DSCAM: variants seen among roughly 807,000 people sequenced by gnomAD.
DSCAM encodes the protein cell adhesion molecule DSCAM.
A neutral mutation model predicts 217.7 loss-of-function variants in DSCAM; 47 were observed. That is an observed-to-expected ratio of 0.22 (90% CI 0.17 to 0.28). The LOEUF (loss-of-function observed/expected upper bound fraction) is 0.28. Ranked by LOEUF, DSCAM falls within the 10% of genes least tolerant of loss-of-function variation. The probability of loss-of-function intolerance (pLI) is 1.00; values close to 1 mark genes in which losing one functional copy is unlikely to be tolerated. For synonymous variants in DSCAM, 1,056 were observed against 1,015.3 expected (o/e 1.04, Z -0.76); for missense variants, 2,080 against 2,618.3 (o/e 0.79, Z 4.49).
intron 27 of DSCAM, among the ~76,000 whole-genome samples, chr21:40,068,247 G>A (rs940145111): frequency 1.3e-5 from 2 of 152,146 alleles, no homozygotes; most frequent in African/African-American, 4.8e-5. Flanking sequence ...AGAATAACTG[G>A]TCATCTGTCT....
At chr21:40,118,900 C>G (rs923089434) in intron 20 of DSCAM, among the ~76,000 whole-genome samples, 1 of 152,134 alleles carries the variant, frequency 6.6e-6, no homozygotes, top group African/African-American at 2.4e-5. Context: ...GGGTTTGGAG[C>G]GTACGTCATG....
intron 1 of DSCAM, among the ~76,000 whole-genome samples, chr21:40,794,794 C>T (rs1307788959): frequency 1.3e-5 from 2 of 151,188 alleles, no homozygotes; most frequent in Non-Finnish European, 2.9e-5. Context: ...TCTCTCGGCT[C>T]CAGTTGAATG....
intron 3 of DSCAM, among the ~76,000 whole-genome samples, chr21:40,582,326 C>T (rs461980): frequency 0.13 from 19,454 of 152,060 alleles, 1,449 homozygotes; most frequent in African/African-American, 0.21. Context: ...AATATTTTCA[C>T]GGTGAGTTTC....
intron 3 of DSCAM, among the ~76,000 whole-genome samples, chr21:40,543,657 C>T (rs1171724243): frequency 6.6e-6 from 1 of 152,098 alleles, no homozygotes; most frequent in Non-Finnish European, 1.5e-5. Context: ...GAGGAAGCCT[C>T]CAAACCCTGT....
rs1451618799 is a variant in DSCAM, at chr21:40,617,184, T to C, written c.508+75626A>G. Among the ~76,000 whole-genome samples, 9 of 133,182 alleles carry C rather than the reference T, an allele frequency of 6.8e-5. No individual in the cohort carries two copies. In the Admixed American group the frequency reaches 7.2e-4, roughly 11 times the overall value. 87.4% of individuals were successfully genotyped at this position (133,182 alleles called of 152,430 possible). A position where few individuals can be genotyped will look rare whatever the true frequency, so the allele number is the denominator to read the frequency against. On this transcript the variant is annotated intron_variant, in intron 3 of 32. Coordinates refer to ENST00000400454, the MANE Select transcript of DSCAM (RefSeq NM_001389.5). Reference sequence around the variant, plus strand: ...AGTTGCCCAGGCTGGAGTGCAGTGGTGCAATCTCGGCTCACTGCAAGCTCC... The same window carrying C: ...AGTTGCCCAGGCTGGAGTGCAGTGGCGCAATCTCGGCTCACTGCAAGCTCC...
At chr21:40,189,560 C>T (rs1205882219) in intron 11 of DSCAM, among the ~76,000 whole-genome samples, 1 of 152,174 alleles carries the variant, frequency 6.6e-6, no homozygotes, top group African/African-American at 2.4e-5. Flanking sequence ...CCACCCAAAT[C>T]TCATCTGGAA....
chr21:40,042,554 T>C lies in DSCAM; in HGVS notation c.5503A>G (p.Thr1835Ala), dbSNP rs765163525. The change falls in exon 32 of 33, where the codon ACG becomes GCG. Residue 1835 changes from threonine (T) to alanine (A), a missense_variant. Physicochemically the swap from Thr to Ala is moderately conservative, Grantham distance 58. Around this residue, in one of 5 missense-constraint regions of DSCAM, gnomAD observed 1,144 missense variants for 1,421.1 expected, o/e 0.81. Transcript: ENST00000400454. The stretch of plus-strand genomic sequence containing the variant: ...GACGTGTCTGATATGAAGCACTCCG[T>C]GATGGTGAACTTGGCGTGCCTCAGT... ...EQLRHAKFTITECFISDTSSE... is the reference protein window; with the variant it reads ...EQLRHAKFTIAECFISDTSSE... The C allele has an allele frequency of 6.2e-7, 1 of 1,614,044 alleles. No homozygotes were observed. Among genetic ancestry groups the C allele is most frequent in the African/African-American group, 1.3e-5 (1 of 74,914 alleles).
intron 1 of DSCAM, among the ~76,000 whole-genome samples, chr21:40,736,637 A>G (rs992674826): frequency 6.6e-6 from 1 of 152,140 alleles, no homozygotes; most frequent in Non-Finnish European, 1.5e-5. Context: ...CCTCATTAGA[A>G]CAAAAGAGGC....
chr21:40,504,134 C>T (rs1036015100), intron 3 of DSCAM, among the ~76,000 whole-genome samples: 7 of 151,368 alleles, frequency 4.6e-5, no homozygotes, highest in African/African-American at 1.7e-4. Flanking sequence ...CAGTCTGAGG[C>T]TTAGAACATT....
At chr21:40,242,123 C>T (rs949695410) in intron 11 of DSCAM, among the ~76,000 whole-genome samples, 1 of 151,530 alleles carries the variant, frequency 6.6e-6, no homozygotes, top group Non-Finnish European at 1.5e-5. Flanking sequence ...TGGAAGAAAC[C>T]TGCATGTGTA....
At position 40,087,269 on chromosome 21, in the gene DSCAM, G is replaced by A; in HGVS notation, c.3869C>T (p.Thr1290Ile). The stretch of plus-strand genomic sequence containing the variant: ...TGGAGTAGTCACTGTCCCACTGAAG[G>A]TCAGGATTCGTGCAGGAGCTGAGGA... Reference protein sequence around the residue: ...PLAKAPARILTFSGTVTTPWM... With the variant: ...PLAKAPARILIFSGTVTTPWM... Residue 1290 changes from threonine to isoleucine, a missense_variant, in exon 22 of 33, where the codon ACC becomes ATC. By Grantham distance (89) the Thr-to-Ile change is moderately conservative (BLOSUM62 -1). This residue lies in a region of DSCAM where 1,144 missense variants were observed against 1,421.1 expected (regional missense o/e 0.81). Transcript: ENST00000400454. The A allele has an allele frequency of 6.2e-7, 1 of 1,614,078 alleles. No individual in the cohort carries two copies. Among genetic ancestry groups the A allele is most frequent in the Non-Finnish European group, 8.5e-7 (1 of 1,179,942 alleles).
chr21:40,264,638 T>A (rs1211426812), intron 11 of DSCAM, among the ~76,000 whole-genome samples: 2 of 152,124 alleles, frequency 1.3e-5, no homozygotes, highest in Non-Finnish European at 2.9e-5. Flanking sequence ...AGCATTCAAC[T>A]GAAGCAAGAC....
intron 8 of DSCAM, among the ~76,000 whole-genome samples, chr21:40,319,962 C>T (rs2074242142): frequency 6.6e-6 from 1 of 152,212 alleles, no homozygotes; most frequent in Admixed American, 6.5e-5. Context: ...GAAAACCAAA[C>T]ACTGCATGTT....
At chr21:40,260,821 C>T (rs115056188) in intron 11 of DSCAM, among the ~76,000 whole-genome samples, 318 of 152,252 alleles carry the variant, frequency 2.1e-3, no homozygotes, top group African/African-American at 7.2e-3. Flanking sequence ...CTTCTGCATC[C>T]TTTTCAAGAT....
At chr21:40,670,406 C>T (rs1416155378) in intron 3 of DSCAM, among the ~76,000 whole-genome samples, 1 of 151,912 alleles carries the variant, frequency 6.6e-6, no homozygotes, top group Non-Finnish European at 1.5e-5. Context: ...GGTGTGGTGG[C>T]GTGTGCCTGT....
chr21:40,052,023 T>A lies in DSCAM; in HGVS notation c.5120A>T (p.His1707Leu). 6.2e-7 allele frequency: 1 copy of A among 1,614,190 alleles called. No homozygotes were observed. Among genetic ancestry groups the A allele is most frequent in the Non-Finnish European group, 8.5e-7 (1 of 1,180,030 alleles). ...AGTGGCCTGAGACACCGATTGGTAATGGACCGTGTGAGTGACCGTCAGGGA... is the reference window on the plus strand; with the variant it reads ...AGTGGCCTGAGACACCGATTGGTAAAGGACCGTGTGAGTGACCGTCAGGGA... ...QKSLTVTHTV[H>L]YQSVSQATGP... Residue 1707 changes from histidine (H) to leucine (L), a missense_variant, in exon 30 of 33, where the codon CAT (histidine) becomes CTT (leucine). This residue lies in a region of DSCAM where 1,144 missense variants were observed against 1,421.1 expected (regional missense o/e 0.81). Transcript: ENST00000400454.
At chr21:40,573,569 G>A (rs1273849012) in intron 3 of DSCAM, among the ~76,000 whole-genome samples, 2 of 152,018 alleles carry the variant, frequency 1.3e-5, no homozygotes, top group African/African-American at 4.8e-5. Flanking sequence ...TTCCCTATTT[G>A]AATTGAAAAT....
At chr21:40,125,734 T>TA (rs918127631) in intron 19 of DSCAM, among the ~76,000 whole-genome samples, 11 of 152,214 alleles carry the variant, frequency 7.2e-5, no homozygotes, top group African/African-American at 2.7e-4. Flanking sequence ...GATCCTGGGT[T>TA]AAAAAATCCC....
intron 8 of DSCAM, among the ~76,000 whole-genome samples, chr21:40,329,850 A>G (rs1485251120): frequency 6.6e-6 from 1 of 152,048 alleles, no homozygotes; most frequent in Non-Finnish European, 1.5e-5. Flanking sequence ...TTGATCTTAT[A>G]GAAGTAGAAA....
Sources: allele counts gnomAD v4.1 joint callset (sites outside exome capture counted in the v4.1 genomes callset), GRCh38; gene constraint gnomAD v4.1.1; regional missense constraint gnomAD v4.1.1; transcripts MANE v1.5; gene names NCBI Gene and HGNC (gene_info 2026-07-23, HGNC 2026-07-21).